SMAD2: variants seen among roughly 807,000 people sequenced by gnomAD.
SMAD2 encodes SMAD family member 2.
A neutral mutation model predicts 64.4 loss-of-function variants in SMAD2; 8 were observed. That is an observed-to-expected ratio of 0.12 (90% CI 0.07 to 0.22). The LOEUF (loss-of-function observed/expected upper bound fraction) is 0.22, where lower values mean the gene tolerates loss of function less well. Among genes scored for constraint, SMAD2 ranks in the 10% least tolerant of loss-of-function variants. The pLI is 1.00. For missense variants in SMAD2, 289 were observed against 561.2 expected (o/e 0.51, Z 4.90); for synonymous variants, 203 against 195.8 (o/e 1.04, Z -0.31).
chr18:47,854,088 TA>T (rs35189746), intron 6 of SMAD2, among the ~76,000 whole-genome samples: 38,365 of 146,114 alleles, frequency 0.26, 5,190 homozygotes, highest in East Asian at 0.47. Context: ...TAGAAGCCTT[TA>T]AAAAAAAAAA....
chr18:47,904,683 A>C (rs2033833656), intron 1 of SMAD2, among the ~76,000 whole-genome samples: 1 of 152,224 alleles, frequency 6.6e-6, no homozygotes, highest in Admixed American at 6.5e-5. Flanking sequence ...GGTCATCATC[A>C]CTAAGTAGGA....
rs1227980838 is a variant in SMAD2, at chr18:47,823,069, G to T, written c.*18758C>A. The T allele has an allele frequency of 6.6e-6, 1 of 152,164 alleles. No individual in the cohort carries two copies. Among genetic ancestry groups the T allele is most frequent in the Admixed American group, 6.5e-5 (1 of 15,288 alleles). 9.4% of individuals were successfully genotyped at this position (152,164 alleles called of 1,614,324 possible). ...CTCTCGTTATAACAGGATACAATTG[G>T]AAACACTGGTTGTATTACCAAGGCT... is the stretch of plus-strand genomic sequence containing the variant. On this transcript the variant is annotated 3_prime_UTR_variant, in exon 11 of 11. Transcript: ENST00000262160.
chr18:47,808,957 T>A lies in SMAD2; in HGVS notation c.*32870A>T, dbSNP rs2144218034. 6.6e-6 allele frequency: 1 copy of A among 152,360 alleles called. No homozygotes were observed. Among genetic ancestry groups the A allele is most frequent in the African/African-American group, 2.4e-5 (1 of 41,580 alleles). The allele number at this position is 152,360 out of a possible 1,614,324, so 9.4% of individuals were successfully genotyped here. A position where few individuals can be genotyped will look rare whatever the true frequency, so the allele number is the denominator to read the frequency against. The stretch of plus-strand genomic sequence containing the variant: ...CCACAAAGAAAAGCAGTCTCGTTGC[T>A]TCATTTCCACCTTTATTCTTTATTA... On this transcript the variant is annotated 3_prime_UTR_variant, in exon 11 of 11. Coordinates refer to ENST00000262160, the MANE Select transcript of SMAD2 (RefSeq NM_005901.6).
rs1467132805 is a variant in SMAD2, at chr18:47,832,684, A to G, written c.*9143T>C. On this transcript the variant is annotated 3_prime_UTR_variant, in exon 11 of 11. Transcript: ENST00000262160. ...ATTATATCTTATCTAGTATTTTTCA[A>G]TGGAGCCTTAAAAATGTTATTTTGT... 3 of 152,144 alleles carry G rather than the reference A, an allele frequency of 2.0e-5. No individual in the cohort carries two copies. Among genetic ancestry groups the G allele is most frequent in the East Asian group, 1.9e-4 (1 of 5,196 alleles). The allele number at this position is 152,144 out of a possible 1,614,324, so 9.4% of individuals were successfully genotyped here. A position where few individuals can be genotyped will look rare whatever the true frequency, so the allele number is the denominator to read the frequency against.
chr18:47,818,223 CA>C lies in SMAD2; in HGVS notation c.*23603del, dbSNP rs1912438544. 1 of 150,864 alleles carries C rather than the reference CA, an allele frequency of 6.6e-6. No homozygotes were observed. Among genetic ancestry groups the C allele is most frequent in the Non-Finnish European group, 1.5e-5 (1 of 67,810 alleles). 9.3% of individuals were successfully genotyped at this position (150,864 alleles called of 1,614,324 possible). ...AACTCACTCCTTACGGCATTCCAGC[CA>C]AGAACAAAAAGAAAAAAAAAGGTCT... On this transcript the variant is annotated 3_prime_UTR_variant, in exon 11 of 11. Coordinates refer to ENST00000262160, the MANE Select transcript of SMAD2 (RefSeq NM_005901.6).
chr18:47,893,456 A>C (rs2033300924), intron 2 of SMAD2, among the ~76,000 whole-genome samples: 1 of 152,238 alleles, frequency 6.6e-6, no homozygotes, highest in Non-Finnish European at 1.5e-5. Context: ...TCATCAGCTG[A>C]ACTTAGTTGT....
chr18:47,889,500 G>A (rs1341379076), intron 2 of SMAD2, among the ~76,000 whole-genome samples: 7 of 152,086 alleles, frequency 4.6e-5, no homozygotes, highest in South Asian at 2.1e-4. Context: ...AGTCGGGCGC[G>A]GTGGCTCACA....
intron 2 of SMAD2, among the ~76,000 whole-genome samples, chr18:47,873,828 G>A (rs2032092978): frequency 6.6e-6 from 1 of 152,132 alleles, no homozygotes; most frequent in South Asian, 2.1e-4. Flanking sequence ...CCACAGCTAG[G>A]CAGGGCAACT....
At chr18:47,896,884 G>A in intron 1 of SMAD2, 75 bp from the exon 2 acceptor site, 1 of 1,335,338 alleles carries the variant, frequency 7.5e-7, no homozygotes, top group Non-Finnish European at 1.0e-6. Context: ...ATCATAGAAA[G>A]CAAACTGCAA....
At chr18:47,869,674 G>A (rs1289549376) in intron 3 of SMAD2, among the ~76,000 whole-genome samples, 1 of 152,108 alleles carries the variant, frequency 6.6e-6, no homozygotes, top group Non-Finnish European at 1.5e-5. Flanking sequence ...AAATGCCAAT[G>A]AAAGGCTAAC....
intron 2 of SMAD2, among the ~76,000 whole-genome samples, chr18:47,885,600 A>G (rs1403265338): frequency 2.0e-5 from 3 of 152,244 alleles, no homozygotes; most frequent in African/African-American, 7.2e-5. Context: ...TGGTCTCTGT[A>G]TATGTGGGCT....
In SMAD2 at chr18:47,827,796, G is replaced by A; in HGVS notation, c.*14031C>T. 1 of 190,222 alleles carries A rather than the reference G, an allele frequency of 5.3e-6. No individual in the cohort carries two copies. The highest frequency in any genetic ancestry group is 1.1e-5 in the Non-Finnish European group (1 of 94,470). The allele number at this position is 190,222 out of a possible 1,614,324, so 11.8% of individuals were successfully genotyped here. ...CTCACTCAGTGCTCAATGTTGCCCA[G>A]GCTGGAGTGCAGTGGCACGATCTCG... On this transcript the variant is annotated 3_prime_UTR_variant, in exon 11 of 11. Coordinates refer to ENST00000262160, the MANE Select transcript of SMAD2 (RefSeq NM_005901.6).
chr18:47,865,693 C>T (rs999332938), intron 5 of SMAD2, among the ~76,000 whole-genome samples: 1 of 152,140 alleles, frequency 6.6e-6, no homozygotes, highest in Non-Finnish European at 1.5e-5. Flanking sequence ...CCAAGGATTC[C>T]TAACTGGTAA....
At chr18:47,922,022 T>C (rs2034581456) in intron 1 of SMAD2, among the ~76,000 whole-genome samples, 1 of 152,042 alleles carries the variant, frequency 6.6e-6, no homozygotes. Context: ...GGAAGGCCAG[T>C]AGGAAGGGAA....
In SMAD2 at chr18:47,833,067, T is replaced by A. The variant is rs1462886945; in HGVS notation, c.*8760A>T. On this transcript the variant is annotated 3_prime_UTR_variant, in exon 11 of 11. Transcript: ENST00000262160. ...AAAAAAAGATCAGTTTAAATAAAAA[T>A]TAAAACAATTAAAAATTAGTCCCAT... The A allele has an allele frequency of 5.5e-6, 1 of 183,016 alleles. No individual in the cohort carries two copies. Among genetic ancestry groups the A allele is most frequent in the Admixed American group, 6.3e-5 (1 of 15,936 alleles). 11.3% of individuals were successfully genotyped at this position (183,016 alleles called of 1,614,324 possible).
At chr18:47,877,616 GACT>G (rs1470362484) in intron 2 of SMAD2, among the ~76,000 whole-genome samples, 5 of 152,084 alleles carry the variant, frequency 3.3e-5, no homozygotes, top group African/African-American at 9.7e-5. Flanking sequence ...AAAACAATGT[GACT>G]ACTTTGATTA....
chr18:47,901,895 G>A (rs2033700372), intron 1 of SMAD2, among the ~76,000 whole-genome samples: 1 of 152,128 alleles, frequency 6.6e-6, no homozygotes, highest in African/African-American at 2.4e-5. Flanking sequence ...AATGTCTACG[G>A]GGGAAGAAAC....
chr18:47,860,381 C>G (rs1021503342), intron 6 of SMAD2, among the ~76,000 whole-genome samples: 20 of 152,022 alleles, frequency 1.3e-4, no homozygotes, highest in Admixed American at 1.2e-3. Context: ...AAGTGACCCT[C>G]CCACCTTAGC....
chr18:47,867,643 T>C (rs2031657297), intron 5 of SMAD2, among the ~76,000 whole-genome samples: 2 of 147,824 alleles, frequency 1.4e-5, no homozygotes, highest in South Asian at 4.3e-4. Flanking sequence ...AGTAACAAAG[T>C]ATTAGTTGTT....
Sources: gnomAD v4.1 joint callset for allele counts (sites outside exome capture counted in the v4.1 genomes callset) on GRCh38, gnomAD v4.1.1 for gene constraint, MANE v1.5 for transcripts, NCBI Gene and HGNC (gene_info 2026-07-23, HGNC 2026-07-21) for gene names.